The following MAML1 variants were observed in gnomAD, a reference collection of about 807,000 sequenced individuals.
The protein encoded by MAML1 is mastermind like transcriptional coactivator 1, also known as mastermind-like protein 1.
In MAML1, 14 loss-of-function variants were observed where a neutral mutation model predicts 77.1. That is an observed-to-expected ratio of 0.18 (90% CI 0.12 to 0.28). The LOEUF (loss-of-function observed/expected upper bound fraction) is 0.28, where lower values mean the gene tolerates loss of function less well. MAML1 is among the 10% of genes least tolerant of loss of function. The pLI is 1.00. For synonymous variants in MAML1, 516 were observed against 551.9 expected (o/e 0.93, Z 0.91); for missense variants, 1,217 against 1,327.8 (o/e 0.92, Z 1.30).
rs1779090188 is a variant in MAML1 at position 179,732,890 on chromosome 5, G to C, written c.-223G>C. 7.4e-6 allele frequency: 2 copies of C among 270,390 alleles called. No homozygotes were observed. Among genetic ancestry groups the C allele is most frequent in the Non-Finnish European group, 1.4e-5 (2 of 145,092 alleles). 16.7% of individuals were successfully genotyped at this position (270,390 alleles called of 1,614,324 possible). On this transcript the variant is annotated 5_prime_UTR_variant, in exon 1 of 5. Coordinates refer to ENST00000292599, the MANE Select transcript of MAML1 (RefSeq NM_014757.5). ...CGCGGAAAACAATGGGGCCGGGGCG[G>C]TGGGGAGAGGCCGAGGCTTGAGGTA...
chr5:179,751,081 C>T (rs1040992570), intron 1 of MAML1, among the ~76,000 whole-genome samples: 3 of 152,204 alleles, frequency 2.0e-5, no homozygotes, highest in Non-Finnish European at 4.4e-5. Flanking sequence ...TCAAGCGATT[C>T]TCCTGTCTCA....
chr5:179,758,717 T>C (rs956175423), intron 1 of MAML1, among the ~76,000 whole-genome samples: 1 of 152,016 alleles, frequency 6.6e-6, no homozygotes, highest in Non-Finnish European at 1.5e-5. Context: ...AAAAATATTT[T>C]ACTGGCCCAG....
chr5:179,736,994 A>G (rs1307168821), intron 1 of MAML1, among the ~76,000 whole-genome samples: 2 of 151,944 alleles, frequency 1.3e-5, no homozygotes, highest in East Asian at 1.9e-4. Context: ...TATATTAGTA[A>G]TGATTCAATT....
At chr5:179,755,611 G>A (rs1779595776) in intron 1 of MAML1, among the ~76,000 whole-genome samples, 1 of 152,068 alleles carries the variant, frequency 6.6e-6, no homozygotes, top group African/African-American at 2.4e-5. Context: ...GCTAAATGAA[G>A]CTTGTCCAGC....
intron 1 of MAML1, among the ~76,000 whole-genome samples, chr5:179,734,064 A>T (rs1779119698): frequency 6.6e-6 from 1 of 152,240 alleles, no homozygotes; most frequent in South Asian, 2.1e-4. Flanking sequence ...AGGCCTGTTT[A>T]AAATCTCTGA....
At chr5:179,768,182 T>C (rs1192701202) in intron 2 of MAML1, among the ~76,000 whole-genome samples, 1 of 152,156 alleles carries the variant, frequency 6.6e-6, no homozygotes, top group Admixed American at 6.5e-5. Flanking sequence ...CTAGGCCGGG[T>C]GCAGTGGCTC....
chr5:179,771,285 C>T lies in MAML1; in HGVS notation c.2068+42C>T, dbSNP rs1198123760. The T allele has an allele frequency of 1.3e-6, 2 of 1,535,282 alleles. No homozygotes were observed. The highest frequency in any genetic ancestry group is 2.2e-5 in the East Asian group (1 of 44,446). ...TGACGAGCAGGGACAGGGGAGGCCG[C>T]TGCCTGGTGCTGGTTGAATCCCTGC... On this transcript the variant is annotated intron_variant, in intron 4 of 4. Transcript: ENST00000292599. The surrounding 1 kb of genome is among the most constrained non-coding windows in gnomAD (Gnocchi z 4.7).
At chr5:179,739,350 T>C (rs1779234265) in intron 1 of MAML1, among the ~76,000 whole-genome samples, 2 of 151,312 alleles carry the variant, frequency 1.3e-5, no homozygotes, top group African/African-American at 4.9e-5. Flanking sequence ...AGACTCCATC[T>C]CTCAAATAGA....
chr5:179,763,723 C>G (rs748237011), intron 1 of MAML1, among the ~76,000 whole-genome samples: 2 of 152,186 alleles, frequency 1.3e-5, no homozygotes, highest in Non-Finnish European at 2.9e-5. Context: ...CAGGGCACTT[C>G]ACCTGGGCCC....
At chr5:179,760,763 A>T (rs1408258932) in intron 1 of MAML1, among the ~76,000 whole-genome samples, 1 of 152,180 alleles carries the variant, frequency 6.6e-6, no homozygotes, top group Non-Finnish European at 1.5e-5. Context: ...GCAGAAGAGG[A>T]TACAAGAAAA....
intron 1 of MAML1, among the ~76,000 whole-genome samples, chr5:179,752,342 A>ATAT (rs1351079259): frequency 0.11 from 9,295 of 84,420 alleles, 843 homozygotes; most frequent in East Asian, 0.23. Flanking sequence ...AAAAAAAAAA[A>ATAT]AAAAAAAAAT....
chr5:179,745,093 G>C (rs1313088023), intron 1 of MAML1, among the ~76,000 whole-genome samples: 4 of 151,856 alleles, frequency 2.6e-5, no homozygotes, highest in Non-Finnish European at 5.9e-5. Context: ...TTTTAGTAGA[G>C]ATGGGGTTTC....
intron 1 of MAML1, among the ~76,000 whole-genome samples, chr5:179,750,079 G>C (rs925376528): frequency 4.6e-5 from 7 of 152,244 alleles, no homozygotes; most frequent in Admixed American, 6.5e-5. Context: ...GGGCAGTGCT[G>C]CCCTCTCCTT....
chr5:179,765,295 A>C, intron 1 of MAML1, 31 bp from the exon 2 acceptor site: 92 of 1,499,986 alleles, frequency 6.1e-5, no homozygotes, highest in Non-Finnish European at 7.4e-5. Context: ...ATTCATATGT[A>C]TCTTAAGTCA....
chr5:179,759,184 G>A (rs558554128), intron 1 of MAML1, among the ~76,000 whole-genome samples: 4 of 152,138 alleles, frequency 2.6e-5, no homozygotes, highest in East Asian at 1.9e-4. Flanking sequence ...CTTCTCTTTC[G>A]GCATCACTCT....
chr5:179,752,685 C>A (rs1288804235), intron 1 of MAML1, among the ~76,000 whole-genome samples: 2 of 140,618 alleles, frequency 1.4e-5, no homozygotes, highest in Admixed American at 7.6e-5. Flanking sequence ...CAGCTCACTA[C>A]AAGCTCCGCC....
At chr5:179,754,959 G>T (rs57104438) in intron 1 of MAML1, among the ~76,000 whole-genome samples, 1,998 of 152,312 alleles carry the variant, frequency 0.013, 46 homozygotes, top group African/African-American at 0.046. Flanking sequence ...TCTTTGCAAG[G>T]AGAAGTGCTT....
Position 179,776,570 on chromosome 5 carries a change from G to A in MAML1, c.*1693G>A. On this transcript the variant is annotated 3_prime_UTR_variant, in exon 5 of 5. Coordinates refer to ENST00000292599, the MANE Select transcript of MAML1 (RefSeq NM_014757.5). ...AGAAGGGGTGAATCATAAAGCCAGT[G>A]AAAATTTCACCCTCTGAGGGAGTTC... 1.0e-6 allele frequency: 1 copy of A among 985,634 alleles called. No individual in the cohort carries two copies. The highest frequency in any genetic ancestry group is 1.2e-6 in the Non-Finnish European group (1 of 829,930). 61.1% of individuals were successfully genotyped at this position (985,634 alleles called of 1,614,324 possible).
Position 179,774,563 on chromosome 5 carries a change from A to T in MAML1, c.2737A>T (p.Ser913Cys), listed in dbSNP as rs752827713. 26 of 1,612,546 alleles carry T rather than the reference A, an allele frequency of 1.6e-5. No homozygotes were observed. The highest frequency in any genetic ancestry group is 1.9e-5 in the Non-Finnish European group (22 of 1,179,828). ...LPPVSAQQRT[S>C]APAPAPPPTA... Reference sequence around the variant, plus strand: ...CCCAGTGAGTGCACAGCAGAGGACCAGCGCCCCTGCCCCAGCACCACCCCC... The same window carrying T: ...CCCAGTGAGTGCACAGCAGAGGACCTGCGCCCCTGCCCCAGCACCACCCCC... Residue 913 changes from serine to cysteine, a missense_variant, in exon 5 of 5, where the codon AGC (serine) becomes TGC (cysteine). Around this residue, in one of 3 missense-constraint regions of MAML1, gnomAD observed 884 missense variants for 949.3 expected, o/e 0.93. Coordinates refer to ENST00000292599, the MANE Select transcript of MAML1 (RefSeq NM_014757.5).
Sources: allele counts gnomAD v4.1 joint callset (sites outside exome capture counted in the v4.1 genomes callset), GRCh38; gene constraint gnomAD v4.1.1; regional missense constraint gnomAD v4.1.1; non-coding constraint Gnocchi (gnomAD v3.1); transcripts MANE v1.5; gene names NCBI Gene and HGNC (gene_info 2026-07-23, HGNC 2026-07-21).